RSBN1L: variants seen among roughly 807,000 people sequenced by gnomAD.
RSBN1L encodes round spermatid basic protein 1 like.
Under a neutral mutation model 67.7 loss-of-function variants are expected in RSBN1L, and 30 were observed. The observed-to-expected ratio is 0.44, with a 90% CI of 0.33 to 0.60. The LOEUF is 0.60. RSBN1L is among the 20% of genes least tolerant of loss of function. The probability of loss-of-function intolerance (pLI) is 0.02; values close to 1 mark genes in which losing one functional copy is unlikely to be tolerated. For synonymous variants in RSBN1L, 433 were observed against 387.0 expected (o/e 1.12, Z -1.39); for missense variants, 992 against 1,031.7 (o/e 0.96, Z 0.53).
chr7:77,726,367 C>A (rs184314588), intron 1 of RSBN1L, among the ~76,000 whole-genome samples: 1 of 152,104 alleles, frequency 6.6e-6, no homozygotes, highest in Non-Finnish European at 1.5e-5. Context: ...AGACTTCCAT[C>A]GCTTTTAATG....
Position 77,779,323 on chromosome 7 carries a change from G to A in RSBN1L, c.*155G>A. 1 of 606,614 alleles carries A rather than the reference G, an allele frequency of 1.6e-6. No individual in the cohort carries two copies. Among genetic ancestry groups the A allele is most frequent in the Non-Finnish European group, 2.9e-6 (1 of 345,200 alleles). The allele number at this position is 606,614 out of a possible 1,614,324, so 37.6% of individuals were successfully genotyped here. A position where few individuals can be genotyped will look rare whatever the true frequency, so the allele number is the denominator to read the frequency against. ...TTCCTCAGTGCCTGTCCATAACTGT[G>A]AAGTATTAAGCACTTAGGGCCAGAT... is the stretch of plus-strand genomic sequence containing the variant. On this transcript the variant is annotated 3_prime_UTR_variant, in exon 8 of 8. Transcript: ENST00000334955.
intron 1 of RSBN1L, among the ~76,000 whole-genome samples, chr7:77,721,731 A>C (rs1239558658): frequency 6.6e-6 from 1 of 152,190 alleles, no homozygotes; most frequent in East Asian, 1.9e-4. Context: ...AAAAGGCTAA[A>C]AGAAGGTGAG....
chr7:77,748,356 ATAT>A (rs1791510846), intron 2 of RSBN1L, among the ~76,000 whole-genome samples: 1 of 152,230 alleles, frequency 6.6e-6, no homozygotes, highest in African/African-American at 2.4e-5. Context: ...ACTTGAGTAA[ATAT>A]GACTGGATTT....
At position 77,710,702 on chromosome 7, in the gene RSBN1L, T is replaced by G. The variant is rs568337167; in HGVS notation, c.586+13647T>G. On this transcript the variant is annotated intron_variant, in intron 1 of 7. Transcript: ENST00000334955. ...ACTCTGCCTCCTGGATTCAGGTGAT[T>G]CTCCTGCCTCAGCCTCCCGAGTAGC... Among the ~76,000 whole-genome samples, 83 of 152,298 alleles carry G rather than the reference T, an allele frequency of 5.4e-4. No homozygotes were observed. The South Asian group carries it at 0.016, about 29-fold the overall frequency.
chr7:77,745,916 G>T (rs1356429253), intron 2 of RSBN1L, among the ~76,000 whole-genome samples: 1 of 152,154 alleles, frequency 6.6e-6, no homozygotes, highest in Non-Finnish European at 1.5e-5. Context: ...TTCCTCACAT[G>T]CATGGTTCAT....
At position 77,776,659 on chromosome 7, in the gene RSBN1L, A is replaced by T. The variant is rs535725266; in HGVS notation, c.1794-1679A>T. 7.2e-5 allele frequency among the ~76,000 whole-genome samples: 11 copies of T among 152,286 alleles called. No homozygotes were observed. The East Asian group carries it at 1.7e-3, about 24-fold the overall frequency. On this transcript the variant is annotated intron_variant, in intron 6 of 7. Transcript: ENST00000334955. ...TGATGAATTGGCCCCTTTTTTCATT[A>T]TAAAGTGCCCTTTTTATCCTTGGTA...
rs763715953 is a variant in RSBN1L, at chr7:77,779,192, C to CT, written c.*30dup. 1.3e-6 allele frequency: 2 copies of CT among 1,508,740 alleles called. No homozygotes were observed. The highest frequency in any genetic ancestry group is 8.9e-7 in the Non-Finnish European group (1 of 1,122,342). The allele number at this position is 1,508,740 out of a possible 1,614,324, so 93.5% of individuals were successfully genotyped here. On this transcript the variant is annotated 3_prime_UTR_variant, in exon 8 of 8. Coordinates refer to ENST00000334955, the MANE Select transcript of RSBN1L (RefSeq NM_198467.3). ...AAATTTGCATATACCATCTAAAATC[C>CT]TTTTTTAAAAAAATTTAATGTAATA...
chr7:77,752,138 G>C (rs1436812427), intron 3 of RSBN1L, among the ~76,000 whole-genome samples: 4 of 152,152 alleles, frequency 2.6e-5, no homozygotes, highest in Non-Finnish European at 4.4e-5. Flanking sequence ...GTGTGCCTGG[G>C]ATGTGGATCT....
At chr7:77,769,559 C>A (rs1791818055) in intron 5 of RSBN1L, among the ~76,000 whole-genome samples, 1 of 152,098 alleles carries the variant, frequency 6.6e-6, no homozygotes, top group Non-Finnish European at 1.5e-5. Flanking sequence ...TGGAGGAGAC[C>A]TTCCTAAGCA....
At chr7:77,722,617 T>A (rs1381006861) in intron 1 of RSBN1L, among the ~76,000 whole-genome samples, 4 of 152,128 alleles carry the variant, frequency 2.6e-5, no homozygotes, top group Non-Finnish European at 5.9e-5. Context: ...CTCCTTCAAT[T>A]TTTATTTTAG....
At position 77,750,040 on chromosome 7, in the gene RSBN1L, G is replaced by C. The variant is rs1382321851; in HGVS notation, c.1320G>C (p.Thr440=). The change falls in exon 3 of 8, where the codon ACG becomes ACC. Residue 440 remains threonine, a synonymous_variant. Transcript: ENST00000334955. The part of the protein sequence containing the change: ...EILGKKDIET[T]TMSNFHAQVK... ...TGGGAAAGAAAGATATAGAGACAAC[G>C]ACTATGTCCAATTTTCATGCTCAGG... The C allele has an allele frequency of 6.3e-7, 1 of 1,595,474 alleles. No homozygotes were observed. The highest frequency in any genetic ancestry group is 2.2e-5 in the East Asian group (1 of 44,726).
intron 6 of RSBN1L, 101 bp downstream of exon 6, chr7:77,773,415 C>G: frequency 3.9e-6 from 3 of 770,366 alleles, no homozygotes; most frequent in Non-Finnish European, 3.9e-6. Flanking sequence ...AAAAAAGTTT[C>G]ATTTTTTACC....
At chr7:77,702,050 C>A (rs114039870) in intron 1 of RSBN1L, among the ~76,000 whole-genome samples, 3,884 of 152,262 alleles carry the variant, frequency 0.026, 72 homozygotes, top group African/African-American at 0.046. Context: ...CCTGCAACCT[C>A]TGCCTCCCAG....
intron 1 of RSBN1L, among the ~76,000 whole-genome samples, chr7:77,698,006 C>G (rs1384073151): frequency 6.6e-6 from 1 of 152,156 alleles, no homozygotes; most frequent in East Asian, 1.9e-4. Context: ...TAAATGTGCA[C>G]TGCTACACAG....
intron 2 of RSBN1L, among the ~76,000 whole-genome samples, chr7:77,742,557 G>A (rs1791427465): frequency 1.3e-5 from 2 of 152,090 alleles, no homozygotes; most frequent in Non-Finnish European, 2.9e-5. Flanking sequence ...TGTTGTTTAG[G>A]CCTGGTGTGG....
At chr7:77,703,610 T>A (rs1790849136) in intron 1 of RSBN1L, among the ~76,000 whole-genome samples, 1 of 143,952 alleles carries the variant, frequency 6.9e-6, no homozygotes, top group Non-Finnish European at 1.5e-5. Flanking sequence ...TGCCTCAGCC[T>A]CCCAAGTAGC....
intron 3 of RSBN1L, among the ~76,000 whole-genome samples, chr7:77,765,026 C>A (rs1365447178): frequency 6.6e-6 from 1 of 152,130 alleles, no homozygotes; most frequent in African/African-American, 2.4e-5. Flanking sequence ...AGAAGAGCAT[C>A]CCTGGTGGCC....
rs751938877 is a variant in RSBN1L, at chr7:77,773,359, C to T, written c.1793+45C>T. On this transcript the variant is annotated intron_variant, in intron 6 of 7. Transcript: ENST00000334955. The stretch of plus-strand genomic sequence containing the variant: ...TTTTAATGAAAGAATTTCTTGGCTT[C>T]TACAATTTTTCTTGGAAAATCTTAG... 58 of 1,348,056 alleles carry T rather than the reference C, an allele frequency of 4.3e-5. 1 individual carries two copies. In the Admixed American group the frequency reaches 1.5e-3, roughly 36 times the overall value. The allele number at this position is 1,348,056 out of a possible 1,614,324, so 83.5% of individuals were successfully genotyped here.
chr7:77,765,649 C>T lies in RSBN1L; in HGVS notation c.1482+17C>T. ...TTTTTAAAAGTAAGAGACAATCTGT[C>T]ATGGGATTAGAGTTTTTTTTTTAAA... On this transcript the variant is annotated intron_variant, in intron 4 of 7. Transcript: ENST00000334955. 6.4e-7 allele frequency: 1 copy of T among 1,550,982 alleles called. No homozygotes were observed. The highest frequency in any genetic ancestry group is 8.7e-7 in the Non-Finnish European group (1 of 1,144,684).
Sources: allele counts gnomAD v4.1 joint callset (sites outside exome capture counted in the v4.1 genomes callset), GRCh38; gene constraint gnomAD v4.1.1; transcripts MANE v1.5; gene names NCBI Gene and HGNC (gene_info 2026-07-23, HGNC 2026-07-21).